Variants in ZSCAN9 observed in about 807,000 individuals in gnomAD.
ZSCAN9 encodes the protein zinc finger and SCAN domain-containing protein 9.
ZSCAN9 carries 19 observed loss-of-function variants against 23.0 expected under a neutral mutation model. The ratio of observed to expected loss-of-function variants is 0.83; its 90% CI spans 0.58 to 1.21. The LOEUF (loss-of-function observed/expected upper bound fraction) is 1.21. Ranked by LOEUF, ZSCAN9 falls within the 50% of genes most tolerant of loss-of-function variation. The pLI, the probability that ZSCAN9 is intolerant of heterozygous loss-of-function variation, is 0.00. For missense variants in ZSCAN9, 467 were observed against 471.5 expected (o/e 0.99, Z 0.09); for synonymous variants, 155 against 164.8 (o/e 0.94, Z 0.46).
At chr6:28,226,985 T>C in intron 1 of ZSCAN9, 27 bp from the exon 2 acceptor site, 1 of 991,860 alleles carries the variant, frequency 1.0e-6, no homozygotes, top group East Asian at 2.6e-5. Context: ...CATTTTTCTA[T>C]ATAAATAATT....
chr6:28,228,094 G>A (rs1347273469), intron 3 of ZSCAN9: 1 of 684,230 alleles, frequency 1.5e-6, no homozygotes, highest in South Asian at 1.6e-5. Context: ...GATCGCTGTG[G>A]AGCACAGCTT....
At chr6:28,228,596 G>A (rs920154043) in intron 3 of ZSCAN9, 1 of 154,580 alleles carries the variant, frequency 6.5e-6, no homozygotes, top group Non-Finnish European at 1.5e-5. Flanking sequence ...CATATGTGAG[G>A]GAATACAATT....
rs960081652 is a variant in ZSCAN9 at position 28,227,262 on chromosome 6, T to C, written c.178T>C (p.Tyr60His). 4 of 1,614,114 alleles carry C rather than the reference T, an allele frequency of 2.5e-6. No homozygotes were observed. In the African/African-American group the frequency reaches 5.3e-5, roughly 22 times the overall value. ...IFRRHFRQLC[Y>H]QETPGPREAL... ...CCGAAGGCACTTTCGACAGCTGTGCTACCAAGAGACCCCTGGACCAAGGGA... is the reference window on the plus strand; with the variant it reads ...CCGAAGGCACTTTCGACAGCTGTGCCACCAAGAGACCCCTGGACCAAGGGA... The change falls in exon 2 of 4, where the codon TAC (tyrosine) becomes CAC (histidine). Residue 60 changes from tyrosine (Y) to histidine (H), a missense_variant. Coordinates refer to ENST00000252207, the MANE Select transcript of ZSCAN9 (RefSeq NM_006299.5).
Position 28,227,817 on chromosome 6 carries a change from G to T in ZSCAN9, c.548G>T (p.Cys183Phe), listed in dbSNP as rs1409951324. 1 of 1,613,560 alleles carries T rather than the reference G, an allele frequency of 6.2e-7. No individual in the cohort carries two copies. Among genetic ancestry groups the T allele is most frequent in the Admixed American group, 1.7e-5 (1 of 59,798 alleles). The part of the protein sequence containing the change: ...PQLTCDSAQK[C>F]HSIGETDEVT... ...CTCACATGTGACTCTGCTCAGAAGT[G>T]CCATTCTATTGGAGAGACAGGTGAG... Residue 183 changes from cysteine to phenylalanine, a missense_variant, in exon 3 of 4, where the codon TGC (cysteine) becomes TTC (phenylalanine). Physicochemically the swap from Cys to Phe is radical, Grantham distance 205. Transcript: ENST00000252207.
In ZSCAN9 at chr6:28,233,060, A is replaced by G. The variant is rs199754819; in HGVS notation, c.1067A>G (p.His356Arg). Residue 356 changes from histidine (H) to arginine (R), a missense_variant, in exon 4 of 4, where the codon CAT becomes CGT. By Grantham distance (29) the His-to-Arg change is conservative. Transcript: ENST00000252207. ...SYSRRSFLIE[H>R]QRSHTGERPH... ...AGTCGGCGTTCATTTCTCATTGAAC[A>G]TCAGAGAAGCCACACAGGGGAGCGA... 5.0e-6 allele frequency: 8 copies of G among 1,614,084 alleles called. No individual in the cohort carries two copies. The highest frequency in any genetic ancestry group is 2.2e-5 in the East Asian group (1 of 44,904).
At chr6:28,231,605 T>C (rs751947971) in intron 3 of ZSCAN9, among the ~76,000 whole-genome samples, 2 of 151,996 alleles carry the variant, frequency 1.3e-5, no homozygotes, top group Non-Finnish European at 2.9e-5. Flanking sequence ...AAACAAAAAA[T>C]TAGCCAGGCA....
At chr6:28,229,013 A>G (rs918126218) in intron 3 of ZSCAN9, 3 of 152,230 alleles carry the variant, frequency 2.0e-5, no homozygotes, top group Non-Finnish European at 4.4e-5. Context: ...TGTTCTGACA[A>G]TCAATCTGTA....
At chr6:28,230,371 AT>A in intron 3 of ZSCAN9, 1 of 1,536,068 alleles carries the variant, frequency 6.5e-7, no homozygotes, top group Non-Finnish European at 8.7e-7. Flanking sequence ...GGCAGTACTG[AT>A]CCCACTTGGG....
chr6:28,233,016 C>T lies in ZSCAN9; in HGVS notation c.1023C>T (p.Ser341=). 6.2e-7 allele frequency: 1 copy of T among 1,614,002 alleles called. No individual in the cohort carries two copies. The highest frequency in any genetic ancestry group is 8.5e-7 in the Non-Finnish European group (1 of 1,179,902). ...AAGGAGAAAAGCCGTATCAGTGCAG[C>T]CAGTGCAGTAAGAGCTACAGTCGGC... ...IHKGEKPYQC[S]QCSKSYSRRS... Residue 341 remains serine, a synonymous_variant, in exon 4 of 4, where the codon AGC becomes AGT. Transcript: ENST00000252207.
chr6:28,229,451 A>G (rs1379908205), intron 3 of ZSCAN9, among the ~76,000 whole-genome samples: 2 of 152,134 alleles, frequency 1.3e-5, no homozygotes, highest in Non-Finnish European at 2.9e-5. Flanking sequence ...TCCATCTATC[A>G]TTCAACAAGT....
chr6:28,227,525 G>A (rs1216457995), intron 2 of ZSCAN9, 21 bp downstream of exon 2: 4 of 1,570,556 alleles, frequency 2.5e-6, no homozygotes, highest in African/African-American at 2.7e-5. Context: ...AGATTTGCTA[G>A]AGAAAAATGT....
At chr6:28,225,626 G>C (rs1760095226) in intron 1 of ZSCAN9, among the ~76,000 whole-genome samples, 1 of 152,160 alleles carries the variant, frequency 6.6e-6, no homozygotes, top group Non-Finnish European at 1.5e-5. Context: ...TAGGACTCAG[G>C]GAAAGAAACA....
chr6:28,228,001 C>T, intron 3 of ZSCAN9, 164 bp downstream of exon 3: 1 of 861,990 alleles, frequency 1.2e-6, no homozygotes, highest in South Asian at 1.4e-5. Context: ...TGACCCTTCT[C>T]CCTGCGTGCA....
chr6:28,225,586 G>A (rs934340178), intron 1 of ZSCAN9, among the ~76,000 whole-genome samples: 1 of 152,254 alleles, frequency 6.6e-6, no homozygotes, highest in South Asian at 2.1e-4. Flanking sequence ...GAGGCTGAAG[G>A]GTCACCTCGG....
intron 1 of ZSCAN9, 113 bp from the exon 2 acceptor site, chr6:28,226,899 C>G: frequency 1.9e-6 from 1 of 520,164 alleles, no homozygotes; most frequent in Non-Finnish European, 3.3e-6. Context: ...CTTTGGTCAC[C>G]AAATCACTTT....
rs374705530 is a variant in ZSCAN9, at chr6:28,233,072, A to C, written c.1079A>C (p.His360Pro). The change falls in exon 4 of 4, where the codon CAC becomes CCC. Residue 360 changes from histidine to proline, a missense_variant. Physicochemically the swap from His to Pro is moderately conservative, Grantham distance 77. Coordinates refer to ENST00000252207, the MANE Select transcript of ZSCAN9 (RefSeq NM_006299.5). ...TTTCTCATTGAACATCAGAGAAGCC[A>C]CACAGGGGAGCGACCTCACCAGTGC... ...RSFLIEHQRS[H>P]TGERPHQCIE... 56 of 1,614,084 alleles carry C rather than the reference A, an allele frequency of 3.5e-5. No individual in the cohort carries two copies. The highest frequency in any genetic ancestry group is 4.7e-5 in the Non-Finnish European group (55 of 1,180,036).
rs866652600 is a variant in ZSCAN9, at chr6:28,227,273, C to T, written c.189C>T (p.Thr63=). The T allele has an allele frequency of 6.2e-7, 1 of 1,614,146 alleles. No individual in the cohort carries two copies. The highest frequency in any genetic ancestry group is 8.5e-7 in the Non-Finnish European group (1 of 1,180,012). ...RHFRQLCYQE[T]PGPREALTRL... ...TTCGACAGCTGTGCTACCAAGAGACCCCTGGACCAAGGGAGGCTCTTACTC... is the reference window on the plus strand; with the variant it reads ...TTCGACAGCTGTGCTACCAAGAGACTCCTGGACCAAGGGAGGCTCTTACTC... Residue 63 remains threonine, a synonymous_variant, in exon 2 of 4, where the codon ACC becomes ACT. Coordinates refer to ENST00000252207, the MANE Select transcript of ZSCAN9 (RefSeq NM_006299.5).
chr6:28,232,511 C>T, intron 3 of ZSCAN9, 51 bp from the exon 4 acceptor site: 1 of 1,557,894 alleles, frequency 6.4e-7, no homozygotes. Context: ...GTCACCTTCC[C>T]ATAGGCTCAG....
intron 3 of ZSCAN9, chr6:28,228,763 G>T (rs1161477753): frequency 1.3e-5 from 2 of 154,428 alleles, no homozygotes; most frequent in Non-Finnish European, 2.9e-5. Context: ...GGAGTAGAAA[G>T]ATATCAGATA....
Sources: gnomAD v4.1 joint callset for allele counts (sites outside exome capture counted in the v4.1 genomes callset) on GRCh38, gnomAD v4.1.1 for gene constraint, MANE v1.5 for transcripts, NCBI Gene and HGNC (gene_info 2026-07-23, HGNC 2026-07-21) for gene names.